The following ABCC8 variants were observed in gnomAD, a reference collection of about 807,000 sequenced individuals.
The protein encoded by ABCC8 is ATP binding cassette subfamily C member 8.
In ABCC8, 137 loss-of-function variants were observed where a neutral mutation model predicts 188.0. That is an observed-to-expected ratio of 0.73 (90% CI 0.63 to 0.84). The LOEUF is 0.84. Among genes scored for constraint, ABCC8 ranks in the 40% least tolerant of loss-of-function variants. The probability of loss-of-function intolerance (pLI) is 0.00; values close to 1 mark genes in which losing one functional copy is unlikely to be tolerated. For synonymous variants in ABCC8, 797 were observed against 846.5 expected (o/e 0.94, Z 1.01); for missense variants, 1,750 against 2,072.7 (o/e 0.84, Z 3.02).
In ABCC8 at chr11:17,427,239, C is replaced by T; in HGVS notation, c.2117-85G>A. On this transcript the variant is annotated intron_variant, in intron 15 of 38. Coordinates refer to ENST00000389817, the MANE Select transcript of ABCC8 (RefSeq NM_000352.6). The surrounding 1 kb of genome is among the most constrained non-coding windows in gnomAD (Gnocchi z 5.0). ...CCAGAAAGACAGACAGACAGATGCA[C>T]CCAACCCTGGGGCCCCTGTTTTCTT... 3 of 1,427,486 alleles carry T rather than the reference C, an allele frequency of 2.1e-6. No individual in the cohort carries two copies. The highest frequency in any genetic ancestry group is 1.6e-5 in the South Asian group (1 of 64,298). 88.4% of individuals were successfully genotyped at this position (1,427,486 alleles called of 1,614,324 possible).
chr11:17,473,845 G>A (rs967468689), intron 2 of ABCC8, among the ~76,000 whole-genome samples: 1 of 152,202 alleles, frequency 6.6e-6, no homozygotes, highest in Non-Finnish European at 1.5e-5. Context: ...TCTCTCTTCT[G>A]TTCCAAACTG....
At chr11:17,428,711 G>T in intron 12 of ABCC8, 41 bp from the exon 13 acceptor site, 1 of 1,606,908 alleles carries the variant, frequency 6.2e-7, no homozygotes, top group Non-Finnish European at 8.5e-7. Context: ...CCCTGCCAGG[G>T]GCAGAGGGGA....
chr11:17,409,682 C>T (rs1954717691), intron 22 of ABCC8, among the ~76,000 whole-genome samples: 1 of 152,034 alleles, frequency 6.6e-6, no homozygotes, highest in African/African-American at 2.4e-5. Context: ...TCAATTTTGG[C>T]TGTTGTTTAG....
chr11:17,443,731 C>T (rs999195508), intron 8 of ABCC8, among the ~76,000 whole-genome samples: 2 of 152,216 alleles, frequency 1.3e-5, no homozygotes, highest in Non-Finnish European at 2.9e-5. Flanking sequence ...AAAGTTACTG[C>T]ACCCATGCCA....
At chr11:17,438,502 G>C (rs1427674222) in intron 10 of ABCC8, among the ~76,000 whole-genome samples, 1 of 152,198 alleles carries the variant, frequency 6.6e-6, no homozygotes, top group Non-Finnish European at 1.5e-5. Context: ...GCTCTGGAAT[G>C]GGTATCTCAC....
intron 8 of ABCC8, among the ~76,000 whole-genome samples, chr11:17,445,591 G>T (rs1204717949): frequency 6.6e-6 from 1 of 152,262 alleles, no homozygotes; most frequent in Non-Finnish European, 1.5e-5. Flanking sequence ...GTGCCCTGTG[G>T]CTAACCAGGC....
chr11:17,444,471 C>A (rs1295184835), intron 8 of ABCC8: 1 of 152,232 alleles, frequency 6.6e-6, no homozygotes, highest in Non-Finnish European at 1.5e-5. Context: ...GGTGTCTGCA[C>A]CCACACCACC....
intron 37 of ABCC8, among the ~76,000 whole-genome samples, chr11:17,394,008 A>G (rs542564075): frequency 9.2e-5 from 14 of 152,208 alleles, no homozygotes; most frequent in Admixed American, 8.5e-4. Context: ...GATAGGTGAC[A>G]GTGTGAAGTC....
At position 17,433,583 on chromosome 11, in the gene ABCC8, T is replaced by C. The variant is rs944156344; in HGVS notation, c.1631-1339A>G. Among the ~76,000 whole-genome samples the C allele has an allele frequency of 3.9e-5, 6 of 152,368 alleles. No individual in the cohort carries two copies. In the East Asian group the frequency reaches 1.2e-3, roughly 29 times the overall value. Reference sequence around the variant, plus strand: ...GCCTCTGCCCTTAGGGGATTCCCAGTCTGAGGACGGAGACAGGAGCTATGC... The same window carrying C: ...GCCTCTGCCCTTAGGGGATTCCCAGCCTGAGGACGGAGACAGGAGCTATGC... On this transcript the variant is annotated intron_variant, in intron 10 of 38. Transcript: ENST00000389817.
chr11:17,474,832 C>T (rs1848667749), intron 2 of ABCC8, 54 bp downstream of exon 2: 2 of 1,592,506 alleles, frequency 1.3e-6, no homozygotes, highest in African/African-American at 1.3e-5. Flanking sequence ...TTGGGCCTTT[C>T]AGGAAGTACC....
chr11:17,431,244 C>T (rs755281148), intron 11 of ABCC8, among the ~76,000 whole-genome samples: 6 of 152,196 alleles, frequency 3.9e-5, no homozygotes, highest in Admixed American at 2.6e-4. Flanking sequence ...GAGGAGATCT[C>T]GGGTTAGGTC....
intron 26 of ABCC8, among the ~76,000 whole-genome samples, chr11:17,405,994 A>G (rs1169384952): frequency 1.3e-5 from 2 of 152,208 alleles, no homozygotes; most frequent in Non-Finnish European, 2.9e-5. Flanking sequence ...AAGTAAATAA[A>G]CTTGGAGGCC....
At position 17,448,554 on chromosome 11, in the gene ABCC8, A is replaced by T; in HGVS notation, c.1294T>A (p.Phe432Ile). ...AIDTNQLMWF[F>I]FLCPNLWAMP... ...GCCCAGAGGTTTGGGCACAAGAAGA[A>T]AAACCACATGAGCTGATTGGTGTCG... is the stretch of plus-strand genomic sequence containing the variant. Residue 432 changes from phenylalanine (F) to isoleucine (I), a missense_variant, in exon 8 of 39, where the codon TTC (phenylalanine) becomes ATC (isoleucine). Physicochemically the swap from Phe to Ile is conservative, Grantham distance 21 (BLOSUM62 0). Transcript: ENST00000389817. 6.2e-7 allele frequency: 1 copy of T among 1,614,208 alleles called. No individual in the cohort carries two copies. Among genetic ancestry groups the T allele is most frequent in the Non-Finnish European group, 8.5e-7 (1 of 1,180,042 alleles).
intron 22 of ABCC8, 104 bp downstream of exon 22, chr11:17,410,412 G>A: frequency 1.6e-6 from 2 of 1,284,434 alleles, no homozygotes; most frequent in Non-Finnish European, 2.2e-6. Flanking sequence ...ATGCTTTGTG[G>A]CCCTCAGCAG....
intron 3 of ABCC8, 145 bp downstream of exon 3, chr11:17,469,956 A>C: frequency 9.9e-7 from 1 of 1,007,582 alleles, no homozygotes. Context: ...CCAGACTGTA[A>C]GCTCCATGAA....
intron 16 of ABCC8, among the ~76,000 whole-genome samples, chr11:17,417,906 T>C (rs549335178): frequency 2.0e-5 from 3 of 151,862 alleles, no homozygotes; most frequent in Non-Finnish European, 4.4e-5. Context: ...CGTACCACCA[T>C]GCCTGACTAA....
rs753875103 is a variant in ABCC8 at position 17,465,120 on chromosome 11, T to G, written c.413-1516A>C. Among the ~76,000 whole-genome samples, 123 of 152,314 alleles carry G rather than the reference T, an allele frequency of 8.1e-4. 1 individual carries two copies. Among genetic ancestry groups the G allele is most frequent in the Non-Finnish European group, 1.4e-3 (96 of 68,022 alleles). ...AGGATGGAGGGCAGAAGCATCGGCCTTCTGCTCTCATGCCTCAGGACTGGA... is the reference window on the plus strand; with the variant it reads ...AGGATGGAGGGCAGAAGCATCGGCCGTCTGCTCTCATGCCTCAGGACTGGA... On this transcript the variant is annotated intron_variant, in intron 3 of 38. Transcript: ENST00000389817.
chr11:17,463,673 C>T (rs1255942329), intron 3 of ABCC8, 69 bp from the exon 4 acceptor site: 24 of 1,542,160 alleles, frequency 1.6e-5, no homozygotes, highest in Non-Finnish European at 2.0e-5. Context: ...ATAATGTGTG[C>T]AAGTATGTGG....
At chr11:17,419,950 A>G (rs1034264938) in intron 16 of ABCC8, among the ~76,000 whole-genome samples, 1 of 152,186 alleles carries the variant, frequency 6.6e-6, no homozygotes, top group Admixed American at 6.6e-5. Context: ...TCACAGTGAC[A>G]CTGGAGAATG....
Sources: gnomAD v4.1 joint callset for allele counts (sites outside exome capture counted in the v4.1 genomes callset) on GRCh38, gnomAD v4.1.1 for gene constraint, Gnocchi (gnomAD v3.1) non-coding constraint, MANE v1.5 for transcripts, NCBI Gene and HGNC (gene_info 2026-07-23, HGNC 2026-07-21) for gene names.